PDCL: variants seen among roughly 807,000 people sequenced by gnomAD.
The protein encoded by PDCL is phosducin-like protein.
A neutral mutation model predicts 26.7 loss-of-function variants in PDCL; 11 were observed. That is an observed-to-expected ratio of 0.41 (90% CI 0.26 to 0.68). The LOEUF is 0.68. PDCL is among the 30% of genes least tolerant of loss of function. The pLI is 0.30. For missense variants in PDCL, 330 were observed against 371.6 expected, an observed-to-expected ratio of 0.89 and a Z score of 0.92; for synonymous variants, 118 against 134.9, an observed-to-expected ratio of 0.87 and a Z score of 0.87.
At position 122,818,970 on chromosome 9, in the gene PDCL, A is replaced by G. The variant is rs1028280768; in HGVS notation, c.*1115T>C. On this transcript the variant is annotated 3_prime_UTR_variant, in exon 4 of 4. Coordinates refer to ENST00000259467, the MANE Select transcript of PDCL (RefSeq NM_005388.5). ...AGACAACCATCAAGCAAATTATATC[A>G]CATCTATACGATGGAATATTAATAG... The G allele has an allele frequency of 7.9e-5, 12 of 152,224 alleles. No homozygotes were observed. The highest frequency in any genetic ancestry group is 2.6e-4 in the African/African-American group (11 of 41,574). The allele number at this position is 152,224 out of a possible 1,614,324, so 9.4% of individuals were successfully genotyped here. A position where few individuals can be genotyped will look rare whatever the true frequency, so the allele number is the denominator to read the frequency against.
At chr9:122,823,267 G>A in intron 2 of PDCL, 70 bp from the exon 3 acceptor site, 1 of 1,473,672 alleles carries the variant, frequency 6.8e-7, no homozygotes, top group South Asian at 1.2e-5. Context: ...GACATCTGTA[G>A]GTAGGAGTTC....
chr9:122,818,618 A>T lies in PDCL; in HGVS notation c.*1467T>A, dbSNP rs1829515075. Reference sequence around the variant, plus strand: ...TGTTTGTTGACTAAATACTTTCAAGACTCTTTTACAGTTAGTCAATTCCTG... The same window carrying T: ...TGTTTGTTGACTAAATACTTTCAAGTCTCTTTTACAGTTAGTCAATTCCTG... On this transcript the variant is annotated 3_prime_UTR_variant, in exon 4 of 4. Coordinates refer to ENST00000259467, the MANE Select transcript of PDCL (RefSeq NM_005388.5). 6.6e-6 allele frequency: 1 copy of T among 151,826 alleles called. No homozygotes were observed. The highest frequency in any genetic ancestry group is 2.1e-4 in the South Asian group (1 of 4,820). The allele number at this position is 151,826 out of a possible 1,614,324, so 9.4% of individuals were successfully genotyped here.
rs780106915 is a variant in PDCL at position 122,820,181 on chromosome 9, T to C, written c.810A>G (p.Glu270=). 3.3e-5 allele frequency: 53 copies of C among 1,614,064 alleles called. 1 individual carries two copies. Among genetic ancestry groups the C allele is most frequent in the Non-Finnish European group, 4.1e-5 (48 of 1,180,046 alleles). The change falls in exon 4 of 4, where the codon GAA becomes GAG. Residue 270 remains glutamate (E), a synonymous_variant. Transcript: ENST00000259467. ...CTTCCTTTTCTGGGAGTAATCCAAATTCCTGGAGAAAAGCTTCAAGGTCCA... is the reference window on the plus strand; with the variant it reads ...CTTCCTTTTCTGGGAGTAATCCAAACTCCTGGAGAAAAGCTTCAAGGTCCA... ...FAVDLEAFLQ[E]FGLLPEKEVL... is the part of the protein sequence containing the mutation.
chr9:122,820,810 C>G, intron 3 of PDCL, 174 bp from the exon 4 acceptor site: 2 of 567,720 alleles, frequency 3.5e-6, no homozygotes, highest in Middle Eastern at 4.9e-4. Context: ...ATGGCAAAGC[C>G]TCATCTCTCC....
At chr9:122,823,609 T>C (rs1459733651) in intron 2 of PDCL, among the ~76,000 whole-genome samples, 2 of 152,186 alleles carry the variant, frequency 1.3e-5, no homozygotes, top group East Asian at 1.9e-4. Flanking sequence ...TTTATGTACA[T>C]AGATATGCAT....
At chr9:122,822,051 T>C (rs528796032) in intron 3 of PDCL, among the ~76,000 whole-genome samples, 13 of 152,320 alleles carry the variant, frequency 8.5e-5, no homozygotes, top group East Asian at 3.9e-4. Flanking sequence ...TTCTGACCTA[T>C]TGAAGTCTTT....
chr9:122,828,016 G>T lies in PDCL; in HGVS notation c.-6+455C>A, dbSNP rs151034651. Among the ~76,000 whole-genome samples the T allele has an allele frequency of 6.3e-3, 955 of 152,248 alleles. 7 individuals are homozygous for T. The highest frequency in any genetic ancestry group is 0.022 in the African/African-American group (894 of 41,542). ...CACAATTTGCTAAACTCGCAGCCTGGGTCAACGGGAGAATCGGAGGACTCC... is the reference window on the plus strand; with the variant it reads ...CACAATTTGCTAAACTCGCAGCCTGTGTCAACGGGAGAATCGGAGGACTCC... On this transcript the variant is annotated intron_variant, in intron 1 of 3. Coordinates refer to ENST00000259467, the MANE Select transcript of PDCL (RefSeq NM_005388.5).
intron 1 of PDCL, among the ~76,000 whole-genome samples, chr9:122,827,471 A>G (rs972462052): frequency 6.6e-6 from 1 of 152,164 alleles, no homozygotes; most frequent in Non-Finnish European, 1.5e-5. Flanking sequence ...CCCAGCACTT[A>G]GGGAGGCCGA....
intron 3 of PDCL, among the ~76,000 whole-genome samples, chr9:122,822,794 T>C (rs544212061): frequency 5.9e-5 from 9 of 152,308 alleles, no homozygotes; most frequent in East Asian, 1.9e-4. Context: ...CATTTAACCA[T>C]TGAAACACCA....
At chr9:122,822,912 C>G (rs1829571332) in intron 3 of PDCL, 104 bp downstream of exon 3, 1 of 1,063,240 alleles carries the variant, frequency 9.4e-7, no homozygotes, top group Admixed American at 1.8e-5. Context: ...CTGCACTGCA[C>G]AACTTCTTGG....
intron 1 of PDCL, 68 bp from the exon 2 acceptor site, chr9:122,826,860 G>GC: frequency 2.1e-6 from 3 of 1,455,892 alleles, no homozygotes; most frequent in Non-Finnish European, 2.9e-6. Context: ...TGAAGCATAG[G>GC]GGGCTCGCCT....
chr9:122,820,066 A>G lies in PDCL; in HGVS notation c.*19T>C. On this transcript the variant is annotated 3_prime_UTR_variant, in exon 4 of 4. Coordinates refer to ENST00000259467, the MANE Select transcript of PDCL (RefSeq NM_005388.5). ...TTCCAACCCAAACAATGAGAAATCT[A>G]TGCAACTAGACTATCAGTTCAATCT... The G allele has an allele frequency of 6.5e-7, 1 of 1,547,732 alleles. No individual in the cohort carries two copies. The highest frequency in any genetic ancestry group is 8.7e-7 in the Non-Finnish European group (1 of 1,148,600).
chr9:122,826,562 G>A, intron 2 of PDCL, 54 bp downstream of exon 2: 1 of 1,399,740 alleles, frequency 7.1e-7, no homozygotes, highest in Non-Finnish European at 9.7e-7. Context: ...TAATTAATAT[G>A]TATTTAATGT....
chr9:122,823,189 C>A lies in PDCL; in HGVS notation c.181G>T (p.Gly61Cys), dbSNP rs1277377676. The A allele has an allele frequency of 2.5e-6, 4 of 1,613,934 alleles. No individual in the cohort carries two copies. The highest frequency in any genetic ancestry group is 2.5e-6 in the Non-Finnish European group (3 of 1,180,020). Residue 61 changes from glycine (G) to cysteine (C), a missense_variant, in exon 3 of 4, where the codon GGT becomes TGT. By Grantham distance (159) the Gly-to-Cys change is radical. Transcript: ENST00000259467. ...AAGCGGCGCCAGTCATTGATCACAC[C>A]TTTTGGGCCTGAGTAGGGTGAACAC... The part of the protein sequence containing the change: ...EGISVNTGPK[G>C]VINDWRRFKQ...
Position 122,819,743 on chromosome 9 carries a change from C to T in PDCL, c.*342G>A. 2 of 190,012 alleles carry T rather than the reference C, an allele frequency of 1.1e-5. No individual in the cohort carries two copies. The highest frequency in any genetic ancestry group is 2.1e-5 in the Non-Finnish European group (2 of 93,496). The allele number at this position is 190,012 out of a possible 1,614,324, so 11.8% of individuals were successfully genotyped here. On this transcript the variant is annotated 3_prime_UTR_variant, in exon 4 of 4. Coordinates refer to ENST00000259467, the MANE Select transcript of PDCL (RefSeq NM_005388.5). ...ATACCTACAGAATTATACTCTCAGA[C>T]TTGGCAGAGACCTCTAAGATCATCT... is the stretch of plus-strand genomic sequence containing the variant.
chr9:122,819,257 A>G lies in PDCL; in HGVS notation c.*828T>C, dbSNP rs1829523281. On this transcript the variant is annotated 3_prime_UTR_variant, in exon 4 of 4. Coordinates refer to ENST00000259467, the MANE Select transcript of PDCL (RefSeq NM_005388.5). ...GTTTTGGTCAGTTTTCCTCTACTGA[A>G]TATGAATTACTTTTCCAATATGAAA... 2.6e-5 allele frequency: 4 copies of G among 151,942 alleles called. No individual in the cohort carries two copies. The highest frequency in any genetic ancestry group is 9.7e-5 in the African/African-American group (4 of 41,362). The allele number at this position is 151,942 out of a possible 1,614,324, so 9.4% of individuals were successfully genotyped here. A position where few individuals can be genotyped will look rare whatever the true frequency, so the allele number is the denominator to read the frequency against.
chr9:122,819,297 TA>T lies in PDCL; in HGVS notation c.*787del, dbSNP rs35632202. 2.0e-5 allele frequency: 3 copies of T among 151,798 alleles called. No individual in the cohort carries two copies. The highest frequency in any genetic ancestry group is 4.8e-5 in the African/African-American group (2 of 41,300). 9.4% of individuals were successfully genotyped at this position (151,798 alleles called of 1,614,324 possible). On this transcript the variant is annotated 3_prime_UTR_variant, in exon 4 of 4. Transcript: ENST00000259467. ...CCAATATGAAAAAAAAAAAAAGTTT[TA>T]AAAAAAATCTAGGTTAAACAAAAAG... is the stretch of plus-strand genomic sequence containing the variant.
intron 2 of PDCL, among the ~76,000 whole-genome samples, chr9:122,825,064 G>A (rs1234086091): frequency 2.6e-5 from 4 of 152,026 alleles, no homozygotes; most frequent in African/African-American, 9.7e-5. Flanking sequence ...AAATTAAACT[G>A]GAGCCCTACT....
intron 3 of PDCL, among the ~76,000 whole-genome samples, chr9:122,822,005 G>A (rs1829560257): frequency 1.3e-5 from 2 of 151,960 alleles, no homozygotes; most frequent in African/African-American, 2.4e-5. Context: ...CCATCTTGCA[G>A]CCCTCCACTT....
Sources: gnomAD v4.1 joint callset for allele counts (sites outside exome capture counted in the v4.1 genomes callset) on GRCh38, gnomAD v4.1.1 for gene constraint, MANE v1.5 for transcripts, NCBI Gene and HGNC (gene_info 2026-07-23, HGNC 2026-07-21) for gene names.